Variants in GATC observed in about 807,000 individuals in gnomAD.
GATC encodes glutamyl-tRNA amidotransferase subunit C, also known as glutamyl-tRNA(Gln) amidotransferase subunit C, mitochondrial.
Under a neutral mutation model 14.4 loss-of-function variants are expected in GATC, and 11 were observed. That is an observed-to-expected ratio of 0.77 (90% CI 0.48 to 1.27). The LOEUF is 1.27. Ranked by LOEUF, GATC falls within the 50% of genes most tolerant of loss-of-function variation. The probability of loss-of-function intolerance (pLI) is 0.00; values close to 1 mark genes in which losing one functional copy is unlikely to be tolerated. For synonymous variants in GATC, 76 were observed against 79.3 expected, an observed-to-expected ratio of 0.96 and a Z score of 0.22; for missense variants, 204 against 183.0, an observed-to-expected ratio of 1.11 and a Z score of -0.66.
At chr12:120,451,291 A>G (rs968359670) in intron 2 of GATC, among the ~76,000 whole-genome samples, 1 of 151,810 alleles carries the variant, frequency 6.6e-6, no homozygotes, top group African/African-American at 2.4e-5. Flanking sequence ...CTAAAAATAC[A>G]AAATTAGCCA....
chr12:120,449,446 G>T (rs1877976897), intron 2 of GATC, among the ~76,000 whole-genome samples: 1 of 151,770 alleles, frequency 6.6e-6, no homozygotes, highest in Non-Finnish European at 1.5e-5. Flanking sequence ...AATGTGTTTT[G>T]TTTTGTTTTG....
intron 2 of GATC, chr12:120,450,301 T>C (rs1878003923): frequency 6.6e-6 from 1 of 152,258 alleles, no homozygotes; most frequent in East Asian, 1.9e-4. Context: ...TTCCCATTAA[T>C]CATTTTAATG....
Position 120,462,973 on chromosome 12 carries a change from GCAT to G in GATC, c.*3018_*3020del, listed in dbSNP as rs979595418. ...GTCCTAGAGGACAGTCTGAACAAAA[GCAT>G]CATTAAACCAGGGAAGGACCAACCT... is the stretch of plus-strand genomic sequence containing the variant. On this transcript the variant is annotated 3_prime_UTR_variant, in exon 4 of 4. Coordinates refer to ENST00000551765, the MANE Select transcript of GATC (RefSeq NM_176818.3). 1 of 152,164 alleles carries G rather than the reference GCAT, an allele frequency of 6.6e-6. No individual in the cohort carries two copies. Among genetic ancestry groups the G allele is most frequent in the African/African-American group, 2.4e-5 (1 of 41,420 alleles). The allele number at this position is 152,164 out of a possible 1,614,324, so 9.4% of individuals were successfully genotyped here. A position where few individuals can be genotyped will look rare whatever the true frequency, so the allele number is the denominator to read the frequency against.
chr12:120,451,872 A>ATTTTTTTTTTT (rs1555219520), intron 2 of GATC, among the ~76,000 whole-genome samples: 1 of 88,082 alleles, frequency 1.1e-5, no homozygotes, highest in Non-Finnish European at 2.3e-5. Flanking sequence ...AATTATATAA[A>ATTTTTTTTTTT]TTCTTTTTTT....
chr12:120,458,801 G>A (rs1267880834), intron 3 of GATC, among the ~76,000 whole-genome samples: 1 of 152,206 alleles, frequency 6.6e-6, no homozygotes, highest in African/African-American at 2.4e-5. Context: ...TAAGGTGCCA[G>A]TTAAAGGCAG....
In GATC at chr12:120,462,187, G is replaced by C. The variant is rs771859336; in HGVS notation, c.*2228G>C. 6.3e-7 allele frequency: 1 copy of C among 1,586,152 alleles called. No homozygotes were observed. Among genetic ancestry groups the C allele is most frequent in the Admixed American group, 1.8e-5 (1 of 54,238 alleles). Reference sequence around the variant, plus strand: ...CCTGAAATGCAAACAAAAACAAAAAGAGTAAAGGGGAAAAAAATCAGAGCC... The same window carrying C: ...CCTGAAATGCAAACAAAAACAAAAACAGTAAAGGGGAAAAAAATCAGAGCC... On this transcript the variant is annotated 3_prime_UTR_variant, in exon 4 of 4. Coordinates refer to ENST00000551765, the MANE Select transcript of GATC (RefSeq NM_176818.3).
At position 120,446,638 on chromosome 12, in the gene GATC, CG is replaced by C; in HGVS notation, c.82-18del. ...CGGAGCGCCGGTGACCCACACTCCC[CG>C]CCTCATCCCTCCTCCAGGGCAGTGG... On this transcript the variant is annotated intron_variant, in intron 1 of 3. Coordinates refer to ENST00000551765, the MANE Select transcript of GATC (RefSeq NM_176818.3). The C allele has an allele frequency of 6.2e-6, 10 of 1,602,684 alleles. No individual in the cohort carries two copies. Among genetic ancestry groups the C allele is most frequent in the Non-Finnish European group, 8.5e-6 (10 of 1,173,830 alleles).
rs1260622696 is a variant in GATC at position 120,460,657 on chromosome 12, A to G, written c.*698A>G. 1 of 152,152 alleles carries G rather than the reference A, an allele frequency of 6.6e-6. No homozygotes were observed. Among genetic ancestry groups the G allele is most frequent in the African/African-American group, 2.4e-5 (1 of 41,434 alleles). The allele number at this position is 152,152 out of a possible 1,614,324, so 9.4% of individuals were successfully genotyped here. A position where few individuals can be genotyped will look rare whatever the true frequency, so the allele number is the denominator to read the frequency against. On this transcript the variant is annotated 3_prime_UTR_variant, in exon 4 of 4. Transcript: ENST00000551765. ...TCTCCGCCCCCAAAATGATTATTAA[A>G]TTGAGATGAGTCCAGGATAAAACTC...
At position 120,448,447 on chromosome 12, in the gene GATC, G is replaced by A. The variant is rs1592982298; in HGVS notation, c.254+1618G>A. On this transcript the variant is annotated intron_variant, in intron 2 of 3. Coordinates refer to ENST00000551765, the MANE Select transcript of GATC (RefSeq NM_176818.3). Reference sequence around the variant, plus strand: ...AGGTTCAAGTGATTTTTGTGCCTCAGCCTCCGGAGTAGCTGGGATTACAGG... The same window carrying A: ...AGGTTCAAGTGATTTTTGTGCCTCAACCTCCGGAGTAGCTGGGATTACAGG... Among the ~76,000 whole-genome samples the A allele has an allele frequency of 5.3e-5, 8 of 151,090 alleles. No individual in the cohort carries two copies. In the South Asian group the frequency reaches 1.7e-3, roughly 32 times the overall value.
At position 120,446,525 on chromosome 12, in the gene GATC, C is replaced by T. The variant is rs2235217; in HGVS notation, c.45C>T (p.Gly15=). Residue 15 remains glycine, a synonymous_variant, in exon 1 of 4, where the codon GGC becomes GGT. Transcript: ENST00000551765. ...GGCTGGGCCTTCGGGCCCCTCTGGG[C>T]GGGCGCCAGGGCTTCACCTCCAAGG... The part of the protein sequence containing the change: ...LVWLGLRAPL[G]GRQGFTSKAD... 499,722 of 1,601,406 alleles carry T rather than the reference C, an allele frequency of 0.31. 81,272 individuals are homozygous for T. Among genetic ancestry groups the T allele is most frequent in the East Asian group, 0.5 (22,117 of 44,548 alleles).
In GATC at chr12:120,446,748, A is replaced by C. The variant is rs898245810; in HGVS notation, c.173A>C (p.Glu58Ala). ...AGCCGCGAGGCAGTGGCGCGACTGG[A>C]GAAAGCTATCGCCTTCGCCGACCGG... ...FGSREAVARLEKAIAFADRLR... is the reference protein window; with the variant it reads ...FGSREAVARLAKAIAFADRLR... The change falls in exon 2 of 4, where the codon GAG (glutamate) becomes GCG (alanine). Residue 58 changes from glutamate (E) to alanine (A), a missense_variant. By Grantham distance (107) the Glu-to-Ala change is moderately radical. Coordinates refer to ENST00000551765, the MANE Select transcript of GATC (RefSeq NM_176818.3). The C allele has an allele frequency of 6.2e-7, 1 of 1,614,060 alleles. No homozygotes were observed. The highest frequency in any genetic ancestry group is 1.3e-5 in the African/African-American group (1 of 75,058).
chr12:120,456,747 G>A (rs1192307976), intron 2 of GATC, among the ~76,000 whole-genome samples: 10 of 152,166 alleles, frequency 6.6e-5, no homozygotes, highest in Non-Finnish European at 1.3e-4. Context: ...TTGGCAGGCT[G>A]TACTAACCTC....
chr12:120,451,875 C>CTTTTTTT (rs1170221029), intron 2 of GATC, among the ~76,000 whole-genome samples: 3 of 90,836 alleles, frequency 3.3e-5, no homozygotes, highest in Non-Finnish European at 6.8e-5. Flanking sequence ...TATATAAATT[C>CTTTTTTT]TTTTTTTTTT....
At chr12:120,456,410 G>A (rs1346809266) in intron 2 of GATC, among the ~76,000 whole-genome samples, 4 of 152,078 alleles carry the variant, frequency 2.6e-5, no homozygotes, top group Non-Finnish European at 5.9e-5. Flanking sequence ...TATCAGATTG[G>A]GCTGAGATCC....
At position 120,446,837 on chromosome 12, in the gene GATC, C is replaced by T. The variant is rs777531684; in HGVS notation, c.254+8C>T. The T allele has an allele frequency of 3.2e-6, 5 of 1,585,752 alleles. No homozygotes were observed. The highest frequency in any genetic ancestry group is 4.3e-6 in the Non-Finnish European group (5 of 1,161,770). On this transcript the variant is annotated splice_region_variant and intron_variant, in intron 2 of 3. Coordinates refer to ENST00000551765, the MANE Select transcript of GATC (RefSeq NM_176818.3). ...ATCGGTCCTGGAGGACAGGTAAACT[C>T]GCGGCTGCAGCCCCGAAGCCTTGAC...
rs1878378147 is a variant in GATC, at chr12:120,462,552, A to G, written c.*2593A>G. Reference sequence around the variant, plus strand: ...TGCCACCTCATGTATGCATCTTTGGATGGGCATCTATGGAAGGAGCTAGCC... The same window carrying G: ...TGCCACCTCATGTATGCATCTTTGGGTGGGCATCTATGGAAGGAGCTAGCC... On this transcript the variant is annotated 3_prime_UTR_variant, in exon 4 of 4. Coordinates refer to ENST00000551765, the MANE Select transcript of GATC (RefSeq NM_176818.3). The G allele has an allele frequency of 6.1e-6, 1 of 164,346 alleles. No homozygotes were observed. Among genetic ancestry groups the G allele is most frequent in the African/African-American group, 2.4e-5 (1 of 41,614 alleles). The allele number at this position is 164,346 out of a possible 1,614,324, so 10.2% of individuals were successfully genotyped here.
Position 120,460,011 on chromosome 12 carries a change from C to T in GATC, c.*52C>T. 7.0e-7 allele frequency: 1 copy of T among 1,427,616 alleles called. No individual in the cohort carries two copies. Among genetic ancestry groups the T allele is most frequent in the Non-Finnish European group, 9.8e-7 (1 of 1,020,198 alleles). The allele number at this position is 1,427,616 out of a possible 1,614,324, so 88.4% of individuals were successfully genotyped here. A position where few individuals can be genotyped will look rare whatever the true frequency, so the allele number is the denominator to read the frequency against. On this transcript the variant is annotated 3_prime_UTR_variant, in exon 4 of 4. Coordinates refer to ENST00000551765, the MANE Select transcript of GATC (RefSeq NM_176818.3). ...CTGTGAACATGTGGAAGCATAATGA[C>T]AGTATTTTTTTACTGTGAATACTAA...
chr12:120,453,107 C>T (rs1045645685), intron 2 of GATC, among the ~76,000 whole-genome samples: 4 of 151,670 alleles, frequency 2.6e-5, no homozygotes, highest in African/African-American at 9.7e-5. Context: ...CCACAAGAAG[C>T]TATTCCTTCC....
At chr12:120,458,607 T>G (rs375871852) in intron 3 of GATC, among the ~76,000 whole-genome samples, 25 of 152,328 alleles carry the variant, frequency 1.6e-4, no homozygotes, top group African/African-American at 5.5e-4. Flanking sequence ...ATAGGTTGAC[T>G]GTTTTTATCT....
Sources: allele counts gnomAD v4.1 joint callset (sites outside exome capture counted in the v4.1 genomes callset), GRCh38; gene constraint gnomAD v4.1.1; transcripts MANE v1.5; gene names NCBI Gene and HGNC (gene_info 2026-07-23, HGNC 2026-07-21).